The following ACSL1 variants were observed in gnomAD, a reference collection of about 807,000 sequenced individuals.
ACSL1 encodes the protein acyl-CoA synthetase long chain family member 1.
Under a neutral mutation model 98.4 loss-of-function variants are expected in ACSL1, and 41 were observed. The ratio of observed to expected loss-of-function variants is 0.42; its 90% CI spans 0.32 to 0.54. The LOEUF (loss-of-function observed/expected upper bound fraction) is 0.54. Among genes scored for constraint, ACSL1 ranks in the 20% least tolerant of loss-of-function variants. The pLI, the probability that ACSL1 is intolerant of heterozygous loss-of-function variation, is 0.13. For synonymous variants in ACSL1, 316 were observed against 322.7 expected (o/e 0.98, Z 0.22); for missense variants, 734 against 883.1 (o/e 0.83, Z 2.14).
At chr4:184,806,472 C>G (rs1164795824) in intron 1 of ACSL1, among the ~76,000 whole-genome samples, 1 of 152,202 alleles carries the variant, frequency 6.6e-6, no homozygotes, top group African/African-American at 2.4e-5. Flanking sequence ...CTCCCCAAAG[C>G]TCCTAGAGTA....
At chr4:184,806,582 G>A (rs1194163487) in intron 1 of ACSL1, among the ~76,000 whole-genome samples, 2 of 152,100 alleles carry the variant, frequency 1.3e-5, no homozygotes, top group Non-Finnish European at 2.9e-5. Context: ...AACAAATACA[G>A]TCAGACACAG....
intron 1 of ACSL1, chr4:184,808,244 C>A (rs1771679480): frequency 1.3e-6 from 1 of 781,090 alleles, no homozygotes; most frequent in Non-Finnish European, 1.6e-6. Flanking sequence ...CAAACATACA[C>A]ACACACACAC....
chr4:184,807,171 T>C (rs1434332990), intron 1 of ACSL1, among the ~76,000 whole-genome samples: 2 of 152,228 alleles, frequency 1.3e-5, no homozygotes, highest in Admixed American at 6.5e-5. Flanking sequence ...CTCATACACT[T>C]GCTAACAAAT....
chr4:184,757,176 C>T lies in ACSL1; in HGVS notation c.2046G>A (p.Arg682=). 2 of 1,609,628 alleles carry T rather than the reference C, an allele frequency of 1.2e-6. No homozygotes were observed. The highest frequency in any genetic ancestry group is 1.3e-5 in the African/African-American group (1 of 74,988). ...PTMKAKRPEL[R]NYFRSQIDDL... is the part of the protein sequence containing the mutation. Reference sequence around the variant, plus strand: ...CATCTATCTGCGACCTGAAATAGTTCCGCAGCTCTGGCCTTTTCGCCTTCA... The same window carrying T: ...CATCTATCTGCGACCTGAAATAGTTTCGCAGCTCTGGCCTTTTCGCCTTCA... The change falls in exon 21 of 21, where the codon CGG becomes CGA. Residue 682 remains arginine, a synonymous_variant. Transcript: ENST00000281455. This position sits in a 1 kb window ranked among gnomAD's most constrained non-coding sequence, Gnocchi z 4.5.
intron 18 of ACSL1, chr4:184,758,257 G>T: frequency 1.8e-5 from 4 of 219,698 alleles, no homozygotes; most frequent in South Asian, 8.4e-5. Context: ...TCAGATAACT[G>T]CTTTTAAAAA....
chr4:184,800,576 T>C (rs1167502916), intron 2 of ACSL1, among the ~76,000 whole-genome samples: 1 of 152,184 alleles, frequency 6.6e-6, no homozygotes, highest in Non-Finnish European at 1.5e-5. Context: ...CAAAATCTGC[T>C]TCTATCCATT....
Position 184,762,398 on chromosome 4 carries a change from G to A in ACSL1, c.1638+9C>T. 3 of 1,606,610 alleles carry A rather than the reference G, an allele frequency of 1.9e-6. No individual in the cohort carries two copies. Among genetic ancestry groups the A allele is most frequent in the Non-Finnish European group, 2.6e-6 (3 of 1,173,184 alleles). On this transcript the variant is annotated intron_variant, in intron 17 of 20. Coordinates refer to ENST00000281455, the MANE Select transcript of ACSL1 (RefSeq NM_001995.5). ...GAACTGTTTGTGACCTGAGGAGGCG[G>A]CAACTTACTGGTAACCATTTTCCAA...
At chr4:184,794,506 C>T (rs1173281120) in intron 2 of ACSL1, among the ~76,000 whole-genome samples, 1 of 152,136 alleles carries the variant, frequency 6.6e-6, no homozygotes, top group African/African-American at 2.4e-5. Context: ...CAGCTGAGCA[C>T]AGAAGGGCAG....
intron 10 of ACSL1, among the ~76,000 whole-genome samples, chr4:184,770,718 TA>T (rs1051895759): frequency 1.8e-4 from 26 of 148,018 alleles, no homozygotes; most frequent in South Asian, 2.2e-4. Flanking sequence ...ATAATAAAAT[TA>T]AAAAAAAAAG....
intron 2 of ACSL1, among the ~76,000 whole-genome samples, chr4:184,789,268 G>A (rs559509128): frequency 2.6e-4 from 40 of 152,250 alleles, no homozygotes; most frequent in Admixed American, 1.2e-3. Context: ...TGGTCCTGCC[G>A]GATAAGGCCA....
chr4:184,786,305 G>T (rs77308816), intron 3 of ACSL1, among the ~76,000 whole-genome samples: 16,170 of 152,140 alleles, frequency 0.11, 1,145 homozygotes, highest in Middle Eastern at 0.17. Flanking sequence ...GTATCAATTA[G>T]CCTATGGGAA....
chr4:184,797,129 C>T (rs769456045), intron 2 of ACSL1, among the ~76,000 whole-genome samples: 110 of 151,730 alleles, frequency 7.2e-4, no homozygotes, highest in Middle Eastern at 3.4e-3. Context: ...CTCACAGACA[C>T]GTGTAATCCT....
intron 5 of ACSL1, among the ~76,000 whole-genome samples, chr4:184,779,743 C>G (rs1300892594): frequency 6.6e-6 from 1 of 152,054 alleles, no homozygotes; most frequent in Non-Finnish European, 1.5e-5. Context: ...AAAAAGACTC[C>G]TTTGTTAGTT....
At chr4:184,804,416 C>A (rs1450831353) in intron 1 of ACSL1, among the ~76,000 whole-genome samples, 1 of 151,936 alleles carries the variant, frequency 6.6e-6, no homozygotes, top group Admixed American at 6.6e-5. Flanking sequence ...TCCATCTCTT[C>A]AAAAAATACA....
intron 3 of ACSL1, among the ~76,000 whole-genome samples, chr4:184,784,825 G>T (rs1017692499): frequency 3.9e-5 from 6 of 152,148 alleles, no homozygotes; most frequent in Non-Finnish European, 1.5e-5. Flanking sequence ...GAGGACACAG[G>T]CTGGACACAC....
Position 184,757,994 on chromosome 4 carries a change from T to A in ACSL1, c.1783-74A>T. On this transcript the variant is annotated intron_variant, in intron 18 of 20. Transcript: ENST00000281455. This position sits in a 1 kb window ranked among gnomAD's most constrained non-coding sequence, Gnocchi z 4.5. Reference sequence around the variant, plus strand: ...AAAATAGTGGTTCTTTATTTTTCCATCTTGTGGCCCCCTGGGAGAATATGA... The same window carrying A: ...AAAATAGTGGTTCTTTATTTTTCCAACTTGTGGCCCCCTGGGAGAATATGA... The A allele has an allele frequency of 7.1e-7, 1 of 1,407,462 alleles. No homozygotes were observed. Among genetic ancestry groups the A allele is most frequent in the Non-Finnish European group, 1.0e-6 (1 of 1,000,914 alleles). The allele number at this position is 1,407,462 out of a possible 1,614,324, so 87.2% of individuals were successfully genotyped here.
chr4:184,766,583 C>T lies in ACSL1; in HGVS notation c.1263+39G>A, dbSNP rs1561180478. ...CTCCCAGAACTCTGAAAAGCGAAGTCGGTTTCCATGGGAGCAGTGGCTGTG... is the reference window on the plus strand; with the variant it reads ...CTCCCAGAACTCTGAAAAGCGAAGTTGGTTTCCATGGGAGCAGTGGCTGTG... On this transcript the variant is annotated intron_variant, in intron 13 of 20. Coordinates refer to ENST00000281455, the MANE Select transcript of ACSL1 (RefSeq NM_001995.5). This position sits in a 1 kb window ranked among gnomAD's most constrained non-coding sequence, Gnocchi z 4.8. 5 of 1,592,316 alleles carry T rather than the reference C, an allele frequency of 3.1e-6. No individual in the cohort carries two copies. The highest frequency in any genetic ancestry group is 1.3e-5 in the African/African-American group (1 of 74,468).
At chr4:184,814,470 A>G (rs1772439284) in intron 1 of ACSL1, among the ~76,000 whole-genome samples, 1 of 152,084 alleles carries the variant, frequency 6.6e-6, no homozygotes, top group African/African-American at 2.4e-5. Context: ...ACCCCCAGGG[A>G]ACAGTGATAT....
rs147624553 is a variant in ACSL1 at position 184,799,305 on chromosome 4, C to T, written c.195+4015G>A. Among the ~76,000 whole-genome samples, 86 of 151,928 alleles carry T rather than the reference C, an allele frequency of 5.7e-4. 1 individual carries two copies. The East Asian group carries it at 0.015, about 27-fold the overall frequency. On this transcript the variant is annotated intron_variant, in intron 2 of 20. Coordinates refer to ENST00000281455, the MANE Select transcript of ACSL1 (RefSeq NM_001995.5). ...CTAATTTTTGTATTTCTAGTAGAGA[C>T]GGGGTTTCACTATATTGGTCAGGCA...
Sources: allele counts gnomAD v4.1 joint callset (sites outside exome capture counted in the v4.1 genomes callset), GRCh38; gene constraint gnomAD v4.1.1; non-coding constraint Gnocchi (gnomAD v3.1); transcripts MANE v1.5; gene names NCBI Gene and HGNC (gene_info 2026-07-23, HGNC 2026-07-21).